Variants in LAMB1 observed in about 807,000 individuals in gnomAD.
LAMB1 encodes laminin subunit beta-1.
Under a neutral mutation model 222.3 loss-of-function variants are expected in LAMB1, and 121 were observed. The ratio of observed to expected loss-of-function variants is 0.54; its 90% CI spans 0.47 to 0.63. LAMB1 has a LOEUF of 0.63. Ranked by LOEUF, LAMB1 falls within the 30% of genes least tolerant of loss-of-function variation. The pLI is 0.00. For synonymous variants in LAMB1, 794 were observed against 807.2 expected, an observed-to-expected ratio of 0.98 and a Z score of 0.28; for missense variants, 2,172 against 2,240.8, an observed-to-expected ratio of 0.97 and a Z score of 0.62.
intron 5 of LAMB1, among the ~76,000 whole-genome samples, chr7:107,991,636 C>T (rs1261373212): frequency 1.3e-5 from 2 of 151,136 alleles, no homozygotes; most frequent in Non-Finnish European, 2.9e-5. Flanking sequence ...TTAGGCTGGG[C>T]GCGGTAGCTC....
intron 5 of LAMB1, among the ~76,000 whole-genome samples, chr7:107,993,300 A>G (rs542645846): frequency 1.1e-4 from 16 of 151,542 alleles, no homozygotes; most frequent in African/African-American, 3.9e-4. Context: ...CGCCTGGCTA[A>G]TTTTTGTATT....
chr7:107,947,637 C>G (rs2033145838), intron 24 of LAMB1, among the ~76,000 whole-genome samples: 1 of 152,220 alleles, frequency 6.6e-6, no homozygotes, highest in Non-Finnish European at 1.5e-5. Flanking sequence ...GACCCCATAG[C>G]TGGCCATGAA....
Position 107,932,158 on chromosome 7 carries a change from C to T in LAMB1, c.4392+16G>A, listed in dbSNP as rs1006145302. ...CAAACATACATAACAAAAACTGAGG[C>T]CATCCACTGAGTTACCATCTTGGAG... On this transcript the variant is annotated intron_variant, in intron 28 of 33. Transcript: ENST00000222399. 1 of 1,612,574 alleles carries T rather than the reference C, an allele frequency of 6.2e-7. No individual in the cohort carries two copies. The highest frequency in any genetic ancestry group is 8.5e-7 in the Non-Finnish European group (1 of 1,178,518).
At chr7:108,000,108 A>C (rs1416316194) in intron 3 of LAMB1, 3 of 152,036 alleles carry the variant, frequency 2.0e-5, no homozygotes, top group African/African-American at 7.2e-5. Context: ...TGTAGGTAAA[A>C]TTTAAATGCT....
chr7:107,930,238 T>G (rs1234509178), intron 29 of LAMB1, among the ~76,000 whole-genome samples: 1 of 151,992 alleles, frequency 6.6e-6, no homozygotes, highest in African/African-American at 2.4e-5. Flanking sequence ...ATGTGGAAGA[T>G]GGTGAAAAAA....
chr7:107,944,158 G>C (rs772183156), intron 24 of LAMB1, among the ~76,000 whole-genome samples: 3 of 152,164 alleles, frequency 2.0e-5, no homozygotes, highest in Admixed American at 1.3e-4. Flanking sequence ...CTAAACATTA[G>C]GTTTTTGCTG....
At position 107,923,875 on chromosome 7, in the gene LAMB1, T is replaced by C; in HGVS notation, c.*76A>G. ...AACATTAAATAGGTGATGTTTTATT[T>C]TGAAGAGCATTAAGTCAGTTTTTAA... On this transcript the variant is annotated 3_prime_UTR_variant, in exon 34 of 34. Transcript: ENST00000222399. 7.6e-7 allele frequency: 1 copy of C among 1,315,968 alleles called. No homozygotes were observed. The highest frequency in any genetic ancestry group is 1.1e-6 in the Non-Finnish European group (1 of 948,510). The allele number at this position is 1,315,968 out of a possible 1,614,324, so 81.5% of individuals were successfully genotyped here.
chr7:107,953,083 G>A (rs907777135), intron 22 of LAMB1, among the ~76,000 whole-genome samples: 1 of 152,188 alleles, frequency 6.6e-6, no homozygotes, highest in African/African-American at 2.4e-5. Context: ...ATGACCAGGT[G>A]CAACGGCTCA....
At chr7:107,939,538 A>G (rs928111835) in intron 25 of LAMB1, among the ~76,000 whole-genome samples, 1 of 152,230 alleles carries the variant, frequency 6.6e-6, no homozygotes, top group African/African-American at 2.4e-5. Context: ...GTTATTTTAT[A>G]TATAAATCCT....
chr7:107,954,114 T>C (rs2033323069), intron 21 of LAMB1, among the ~76,000 whole-genome samples: 1 of 152,074 alleles, frequency 6.6e-6, no homozygotes, highest in South Asian at 2.1e-4. Context: ...GGGAGCAAAC[T>C]AACAATGTAA....
In LAMB1 at chr7:107,971,418, G is replaced by T. The variant is rs532367426; in HGVS notation, c.1562+1574C>A. ...TCATCCAGTAAACATTTCCCAAGCG[G>T]CATCTGTGCACATCTCCCAGTAGAA... On this transcript the variant is annotated intron_variant, in intron 13 of 33. Coordinates refer to ENST00000222399, the MANE Select transcript of LAMB1 (RefSeq NM_002291.3). Among the ~76,000 whole-genome samples, 322 of 152,260 alleles carry T rather than the reference G, an allele frequency of 2.1e-3. 1 individual carries two copies. The highest frequency in any genetic ancestry group is 3.4e-3 in the Middle Eastern group (1 of 294).
intron 5 of LAMB1, among the ~76,000 whole-genome samples, chr7:107,992,671 G>A (rs942236682): frequency 6.6e-6 from 1 of 152,218 alleles, no homozygotes; most frequent in African/African-American, 2.4e-5. Context: ...CAAGGTGGGA[G>A]GATCACTTGC....
In LAMB1 at chr7:107,978,041, A is replaced by G; in HGVS notation, c.1000+6T>C. On this transcript the variant is annotated splice_donor_region_variant and intron_variant, in intron 9 of 33. Transcript: ENST00000222399. ...GATTTAAAATGTCCCTTCAACACAG[A>G]CTTACTTTTACAGGCGTTGCTGTTT... 1 of 1,614,138 alleles carries G rather than the reference A, an allele frequency of 6.2e-7. No individual in the cohort carries two copies.
At chr7:107,994,981 AT>A (rs773346494) in intron 4 of LAMB1, 21 bp from the exon 5 acceptor site, 47 of 1,340,004 alleles carry the variant, frequency 3.5e-5, no homozygotes, top group East Asian at 9.2e-5. Flanking sequence ...TTTAAAAAAA[AT>A]AAAACAATAA....
At chr7:107,925,545 G>GT (rs1056819042) in intron 32 of LAMB1, among the ~76,000 whole-genome samples, 28 of 152,186 alleles carry the variant, frequency 1.8e-4, no homozygotes, top group African/African-American at 6.7e-4. Context: ...TGATTCAATG[G>GT]TTTTAAGCCC....
At chr7:107,944,026 G>A (rs1163355296) in intron 24 of LAMB1, among the ~76,000 whole-genome samples, 1 of 152,162 alleles carries the variant, frequency 6.6e-6, no homozygotes, top group Non-Finnish European at 1.5e-5. Flanking sequence ...CAGCCCTCTG[G>A]GGCCTACTCA....
chr7:107,955,753 G>T, intron 20 of LAMB1, 123 bp from the exon 21 acceptor site: 2 of 875,680 alleles, frequency 2.3e-6, no homozygotes, highest in South Asian at 2.3e-5. Flanking sequence ...TTTTCTTTGA[G>T]ACAGAATCTT....
chr7:107,968,048 G>A (rs1352059758), intron 13 of LAMB1, among the ~76,000 whole-genome samples: 1 of 152,076 alleles, frequency 6.6e-6, no homozygotes, highest in East Asian at 1.9e-4. Flanking sequence ...AGATGGTCAA[G>A]ATCAGACCAG....
chr7:107,953,216 G>C (rs902869649), intron 22 of LAMB1, among the ~76,000 whole-genome samples: 1 of 152,062 alleles, frequency 6.6e-6, no homozygotes, highest in Admixed American at 6.6e-5. Flanking sequence ...AATTACCTGG[G>C]CATGGTGGGG....
Sources: gnomAD v4.1 joint callset for allele counts (sites outside exome capture counted in the v4.1 genomes callset) on GRCh38, gnomAD v4.1.1 for gene constraint, MANE v1.5 for transcripts, NCBI Gene and HGNC (gene_info 2026-07-23, HGNC 2026-07-21) for gene names.